Variants in ADA observed in about 807,000 individuals in gnomAD.
ADA encodes adenosine deaminase.
Under a neutral mutation model 49.0 loss-of-function variants are expected in ADA, and 45 were observed. The observed-to-expected ratio is 0.92, with a 90% CI of 0.72 to 1.18. The LOEUF is 1.18. Among genes scored for constraint, ADA ranks in the 50% most tolerant of loss-of-function variants. The probability of loss-of-function intolerance (pLI) is 0.00; values close to 1 mark genes in which losing one functional copy is unlikely to be tolerated. For synonymous variants in ADA, 173 were observed against 184.2 expected (o/e 0.94, Z 0.49); for missense variants, 445 against 472.5 (o/e 0.94, Z 0.54).
At chr20:44,633,752 G>A (rs1400851794) in intron 2 of ADA, among the ~76,000 whole-genome samples, 1 of 152,252 alleles carries the variant, frequency 6.6e-6, no homozygotes, top group African/African-American at 2.4e-5. Flanking sequence ...ACAAGACTGA[G>A]AAAGAGGTTG....
chr20:44,634,733 T>A (rs1173730977), intron 2 of ADA, among the ~76,000 whole-genome samples: 1 of 152,226 alleles, frequency 6.6e-6, no homozygotes, highest in East Asian at 1.9e-4. Context: ...TGGAGAATAG[T>A]GGACTTACCA....
chr20:44,645,200 G>A (rs1030976280), intron 1 of ADA, among the ~76,000 whole-genome samples: 3 of 151,846 alleles, frequency 2.0e-5, no homozygotes, highest in Admixed American at 6.6e-5. Context: ...TCTTCACAGA[G>A]GTGGAAGGGA....
In ADA at chr20:44,622,947, T is replaced by A. The variant is rs1173311346; in HGVS notation, c.679-17A>T. The A allele has an allele frequency of 6.2e-7, 1 of 1,614,172 alleles. No individual in the cohort carries two copies. The highest frequency in any genetic ancestry group is 1.1e-5 in the South Asian group (1 of 91,088). The stretch of plus-strand genomic sequence containing the variant: ...GTCCACAGCCTGTAGAGAAGCAGAA[T>A]AGAGCCAAGTATGGGAGGAGGCAGT... On this transcript the variant is annotated splice_polypyrimidine_tract_variant and intron_variant, in intron 7 of 11. Transcript: ENST00000372874.
At chr20:44,626,194 AT>A (rs2065380744) in intron 4 of ADA, 1 of 567,814 alleles carries the variant, frequency 1.8e-6, no homozygotes, top group Admixed American at 3.0e-5. Context: ...GCAGGTTAAC[AT>A]TCCTGGACAG....
chr20:44,624,428 C>A, intron 5 of ADA, 99 bp from the exon 6 acceptor site: 1 of 1,512,430 alleles, frequency 6.6e-7, no homozygotes, highest in South Asian at 1.1e-5. Context: ...CATGGGAGGC[C>A]AGCACAAAAC....
At chr20:44,624,419 A>C in intron 5 of ADA, 90 bp from the exon 6 acceptor site, 31 of 1,542,664 alleles carry the variant, frequency 2.0e-5, no homozygotes, top group Non-Finnish European at 2.5e-5. Flanking sequence ...CAAACCCCCC[A>C]TGGGAGGCCA....
At chr20:44,624,151 G>C (rs1044836718) in intron 6 of ADA, 51 bp downstream of exon 6, 2 of 1,564,634 alleles carry the variant, frequency 1.3e-6, no homozygotes, top group Non-Finnish European at 1.7e-6. Flanking sequence ...CTATGGGTGG[G>C]AGACAAGCTC....
At chr20:44,629,017 C>T in intron 3 of ADA, 30 bp downstream of exon 3, 1 of 1,614,016 alleles carries the variant, frequency 6.2e-7, no homozygotes, top group East Asian at 2.2e-5. Flanking sequence ...TCAATGCTGC[C>T]CTAGGACCTG....
At chr20:44,639,219 G>A (rs1429399665) in intron 1 of ADA, among the ~76,000 whole-genome samples, 3 of 152,084 alleles carry the variant, frequency 2.0e-5, no homozygotes, top group African/African-American at 7.2e-5. Context: ...GGTGCATAGA[G>A]GAAAAACAGG....
Position 44,620,329 on chromosome 20 carries a change from C to CT in ADA, c.1047dup (p.Ala350SerfsTer54). ...GAGGCTGAAGGTGGCATCCCATAGG[C>CT]TTTATAGAGCAGGTCGAGAAGCTCC... On this transcript the variant is annotated frameshift_variant, in exon 11 of 12. Transcript: ENST00000372874. LOFTEE classifies it low-confidence loss of function (END_TRUNC). 1.2e-6 allele frequency: 2 copies of CT among 1,614,200 alleles called. No homozygotes were observed. Among genetic ancestry groups the CT allele is most frequent in the Non-Finnish European group, 1.7e-6 (2 of 1,180,034 alleles).
At chr20:44,632,586 C>T (rs2065443389) in intron 2 of ADA, among the ~76,000 whole-genome samples, 1 of 152,120 alleles carries the variant, frequency 6.6e-6, no homozygotes, top group African/African-American at 2.4e-5. Flanking sequence ...CATCTGGAGC[C>T]CAAAGTTGAA....
rs1455312539 is a variant in ADA, at chr20:44,636,242, A to G, written c.80T>C (p.Ile27Thr). 6.2e-7 allele frequency: 1 copy of G among 1,610,712 alleles called. No individual in the cohort carries two copies. Among genetic ancestry groups the G allele is most frequent in the South Asian group, 1.1e-5 (1 of 90,210 alleles). Residue 27 changes from isoleucine to threonine, a missense_variant, in exon 2 of 12, where the codon ATC becomes ACC. Coordinates refer to ENST00000372874, the MANE Select transcript of ADA (RefSeq NM_000022.4). ...HLDGSIKPET[I>T]LYYGRRRGIA... The stretch of plus-strand genomic sequence containing the variant: ...ATGGACTTACCTGCCATAGTATAAG[A>G]TGGTTTCAGGCTTGATGGATCCGTC...
At chr20:44,627,220 C>A (rs766220698) in intron 3 of ADA, among the ~76,000 whole-genome samples, 10 of 150,112 alleles carry the variant, frequency 6.7e-5, no homozygotes, top group Non-Finnish European at 1.3e-4. Flanking sequence ...CTTGCTCTGT[C>A]GCCCAGGCTG....
At chr20:44,645,592 A>G (rs1253177455) in intron 1 of ADA, among the ~76,000 whole-genome samples, 1 of 152,200 alleles carries the variant, frequency 6.6e-6, no homozygotes, top group Non-Finnish European at 1.5e-5. Flanking sequence ...ACTGCACTCC[A>G]GCCTGGGCGA....
In ADA at chr20:44,651,643, C is replaced by T. The variant is rs1177939892; in HGVS notation, c.-36G>A. 2.0e-6 allele frequency: 3 copies of T among 1,500,984 alleles called. No individual in the cohort carries two copies. Among genetic ancestry groups the T allele is most frequent in the African/African-American group, 1.5e-5 (1 of 68,798 alleles). 93.0% of individuals were successfully genotyped at this position (1,500,984 alleles called of 1,614,324 possible). ...TGCGCCCCGGCGCTGCTCCCTCCGC[C>T]GCCGCTCGGTGGGTCTCTGCCGGCT... On this transcript the variant is annotated 5_prime_UTR_variant, in exon 1 of 12. Coordinates refer to ENST00000372874, the MANE Select transcript of ADA (RefSeq NM_000022.4).
In ADA at chr20:44,622,470, G is replaced by C. The variant is rs2065340881; in HGVS notation, c.845+118C>G. On this transcript the variant is annotated intron_variant, in intron 9 of 11. Transcript: ENST00000372874. The stretch of plus-strand genomic sequence containing the variant: ...GACGGCAATGCCTGCTTCCCAGGGT[G>C]TCGAAGAGATTTCATATCTAAAAGA... 3.3e-6 allele frequency: 4 copies of C among 1,224,450 alleles called. No individual in the cohort carries two copies. The Admixed American group carries it at 7.8e-5, about 24-fold the overall frequency. 75.8% of individuals were successfully genotyped at this position (1,224,450 alleles called of 1,614,324 possible). A position where few individuals can be genotyped will look rare whatever the true frequency, so the allele number is the denominator to read the frequency against.
At chr20:44,640,166 C>T (rs1436430246) in intron 1 of ADA, among the ~76,000 whole-genome samples, 2 of 152,106 alleles carry the variant, frequency 1.3e-5, no homozygotes, top group East Asian at 1.9e-4. Context: ...GTAATCCCAA[C>T]ACTTTGGGAG....
intron 2 of ADA, among the ~76,000 whole-genome samples, chr20:44,633,437 G>C (rs1213640587): frequency 6.6e-6 from 1 of 152,200 alleles, no homozygotes; most frequent in Non-Finnish European, 1.5e-5. Context: ...TAAGCAAGGA[G>C]CCTTAGAGAG....
Position 44,623,087 on chromosome 20 carries a change from G to A in ADA, c.607-9C>T. ...CCGCTCTTCACAGCCTCCTGGAAGGGGGAGAGCCAGGTCATGGGTGCCCTA... is the reference window on the plus strand; with the variant it reads ...CCGCTCTTCACAGCCTCCTGGAAGGAGGAGAGCCAGGTCATGGGTGCCCTA... On this transcript the variant is annotated splice_polypyrimidine_tract_variant and intron_variant, in intron 6 of 11. Coordinates refer to ENST00000372874, the MANE Select transcript of ADA (RefSeq NM_000022.4). 6.2e-7 allele frequency: 1 copy of A among 1,613,944 alleles called. No homozygotes were observed. The highest frequency in any genetic ancestry group is 8.5e-7 in the Non-Finnish European group (1 of 1,179,994).
Sources: gnomAD v4.1 joint callset for allele counts (sites outside exome capture counted in the v4.1 genomes callset) on GRCh38, gnomAD v4.1.1 for gene constraint, MANE v1.5 for transcripts, NCBI Gene and HGNC (gene_info 2026-07-23, HGNC 2026-07-21) for gene names.